Variants in CNTN3 observed in about 807,000 individuals in gnomAD.
CNTN3 encodes contactin-3.
CNTN3 carries 60 observed loss-of-function variants against 119.1 expected under a neutral mutation model. That is an observed-to-expected ratio of 0.50 (90% CI 0.41 to 0.62). The LOEUF is 0.62. Ranked by LOEUF, CNTN3 falls within the 20% of genes least tolerant of loss-of-function variation. CNTN3 has a pLI of 0.00. For missense variants in CNTN3, 1,101 were observed against 1,242.4 expected, an observed-to-expected ratio of 0.89 and a Z score of 1.71; for synonymous variants, 450 against 438.7, an observed-to-expected ratio of 1.03 and a Z score of -0.32.
intron 4 of CNTN3, among the ~76,000 whole-genome samples, chr3:74,452,593 C>T (rs1314358382): frequency 3.5e-5 from 4 of 112,784 alleles, no homozygotes; most frequent in South Asian, 2.6e-4. Flanking sequence ...TGTCTTCTGC[C>T]AGTTTTCAAA....
intron 1 of CNTN3, among the ~76,000 whole-genome samples, chr3:74,575,074 C>T (rs894555953): frequency 3.3e-5 from 5 of 151,868 alleles, no homozygotes; most frequent in Non-Finnish European, 7.4e-5. Flanking sequence ...CAAGCATGTG[C>T]CACCCTGCCT....
At chr3:74,393,038 T>C (rs746385738) in intron 5 of CNTN3, among the ~76,000 whole-genome samples, 6 of 152,154 alleles carry the variant, frequency 3.9e-5, no homozygotes, top group East Asian at 1.9e-4. Context: ...TTAAGATCTA[T>C]CCACATTGTA....
intron 1 of CNTN3, among the ~76,000 whole-genome samples, chr3:74,526,700 T>A (rs943254572): frequency 6.6e-6 from 1 of 151,804 alleles, no homozygotes; most frequent in Admixed American, 6.6e-5. Flanking sequence ...GATGTTACCT[T>A]CCATACCCAC....
intron 1 of CNTN3, among the ~76,000 whole-genome samples, chr3:74,525,164 T>C (rs1037995695): frequency 2.6e-5 from 4 of 151,790 alleles, no homozygotes; most frequent in African/African-American, 9.7e-5. Context: ...TTTTGCAACA[T>C]ACCAATGTTA....
intron 1 of CNTN3, among the ~76,000 whole-genome samples, chr3:74,547,757 A>G (rs1243563961): frequency 6.6e-6 from 1 of 152,176 alleles, no homozygotes; most frequent in Non-Finnish European, 1.5e-5. Context: ...TTTCCTTAAC[A>G]TAATTTCCAC....
intron 1 of CNTN3, among the ~76,000 whole-genome samples, chr3:74,602,021 T>G (rs1704918758): frequency 6.6e-6 from 1 of 151,944 alleles, no homozygotes; most frequent in Non-Finnish European, 1.5e-5. Context: ...CATAAAAATA[T>G]GAACAGGCCA....
chr3:74,514,370 T>C (rs552745878), intron 2 of CNTN3, among the ~76,000 whole-genome samples: 3 of 152,290 alleles, frequency 2.0e-5, no homozygotes, highest in African/African-American at 7.2e-5. Flanking sequence ...GCCATTTCAC[T>C]GTACATTCTT....
At chr3:74,351,136 A>G (rs547058350) in intron 11 of CNTN3, among the ~76,000 whole-genome samples, 1 of 152,360 alleles carries the variant, frequency 6.6e-6, no homozygotes, top group Admixed American at 6.5e-5. Flanking sequence ...CCATATTAAC[A>G]GCATCAGAAA....
At chr3:74,574,186 C>T (rs1255613909) in intron 1 of CNTN3, among the ~76,000 whole-genome samples, 1 of 152,088 alleles carries the variant, frequency 6.6e-6, no homozygotes, top group Admixed American at 6.5e-5. Flanking sequence ...CAGTGAGGAA[C>T]CACAAAAGGC....
chr3:74,451,290 T>C (rs552747693), intron 4 of CNTN3, among the ~76,000 whole-genome samples: 99 of 152,274 alleles, frequency 6.5e-4, no homozygotes, highest in Middle Eastern at 3.4e-3. Context: ...TTTCATGTGT[T>C]TTTTGGCTGC....
chr3:74,448,905 C>T (rs1444277229), intron 4 of CNTN3, among the ~76,000 whole-genome samples: 1 of 152,088 alleles, frequency 6.6e-6, no homozygotes, highest in East Asian at 1.9e-4. Flanking sequence ...TTTGCCTCTT[C>T]TGATAATTGT....
Position 74,361,925 on chromosome 3 carries a change from C to T in CNTN3, c.1329G>A (p.Trp443Ter). Residue 443 changes from tryptophan (W) to a stop codon, truncating the protein, a stop_gained, in exon 11 of 23, where the codon TGG (tryptophan) becomes TGA (stop). Coordinates refer to ENST00000263665, the MANE Select transcript of CNTN3 (RefSeq NM_020872.3). LOFTEE classifies it high-confidence loss of function. ...PRASPRALSSWKKGDVSVQEH... is the reference protein window; with the variant it reads ...PRASPRALSS ...CCTGCACGCTCACATCCCCCTTCTT[C>T]CAGGAAGAGAGTGCCCTTGGGGAGG... The T allele has an allele frequency of 6.2e-7, 1 of 1,613,658 alleles. No individual in the cohort carries two copies. Among genetic ancestry groups the T allele is most frequent in the Non-Finnish European group, 8.5e-7 (1 of 1,179,694 alleles).
chr3:74,403,644 T>G (rs1705252700), intron 5 of CNTN3, among the ~76,000 whole-genome samples: 1 of 152,254 alleles, frequency 6.6e-6, no homozygotes, highest in African/African-American at 2.4e-5. Context: ...TATTTTAAAT[T>G]TTCAGTTTTA....
At chr3:74,487,082 T>C (rs1328890004) in intron 3 of CNTN3, among the ~76,000 whole-genome samples, 1 of 152,224 alleles carries the variant, frequency 6.6e-6, no homozygotes, top group Non-Finnish European at 1.5e-5. Flanking sequence ...CAACTATCCA[T>C]TTCAATTTGT....
chr3:74,298,075 A>G lies in CNTN3; in HGVS notation c.2283T>C (p.Tyr761=), dbSNP rs1232780956. The stretch of plus-strand genomic sequence containing the variant: ...GCACGATGCTTTCATTCCTAAAGAC[A>G]TATCTTGGGGTGTCAGGGGATGTCA... ...TVVTSPDTPR[Y]VFRNESIVPY... The change falls in exon 18 of 23, where the codon TAT becomes TAC. Residue 761 remains tyrosine, a synonymous_variant. Coordinates refer to ENST00000263665, the MANE Select transcript of CNTN3 (RefSeq NM_020872.3). The G allele has an allele frequency of 1.2e-6, 2 of 1,614,048 alleles. No individual in the cohort carries two copies. Among genetic ancestry groups the G allele is most frequent in the South Asian group, 1.1e-5 (1 of 91,076 alleles).
intron 11 of CNTN3, among the ~76,000 whole-genome samples, chr3:74,357,148 G>A (rs1703955760): frequency 6.6e-6 from 1 of 151,838 alleles, no homozygotes; most frequent in African/African-American, 2.4e-5. Flanking sequence ...GAATGGTCTC[G>A]ATCTCCTGAC....
At chr3:74,350,981 T>C (rs1023052842) in intron 11 of CNTN3, among the ~76,000 whole-genome samples, 4 of 152,148 alleles carry the variant, frequency 2.6e-5, no homozygotes, top group African/African-American at 4.8e-5. Flanking sequence ...TAGGGTACCA[T>C]GTTCACTATA....
chr3:74,435,419 C>T (rs1701850337), intron 4 of CNTN3, among the ~76,000 whole-genome samples: 1 of 152,142 alleles, frequency 6.6e-6, no homozygotes, highest in African/African-American at 2.4e-5. Context: ...TCAAGCAATC[C>T]ACCTGTCTCA....
At chr3:74,353,734 G>C (rs984868449) in intron 11 of CNTN3, among the ~76,000 whole-genome samples, 6 of 151,842 alleles carry the variant, frequency 4.0e-5, no homozygotes, top group Admixed American at 2.6e-4. Flanking sequence ...CCAGCCTGGG[G>C]GACAGAGCGA....
Sources: allele counts gnomAD v4.1 joint callset (sites outside exome capture counted in the v4.1 genomes callset), GRCh38; gene constraint gnomAD v4.1.1; transcripts MANE v1.5; gene names NCBI Gene and HGNC (gene_info 2026-07-23, HGNC 2026-07-21).